Variants in CIMIP1 observed in about 807,000 individuals in gnomAD.
CIMIP1 encodes low in lung cancer 1.
the CIMIP1 span, among the ~76,000 whole-genome samples, chr20:58,156,291 C>G: frequency 6.6e-6 from 1 of 152,054 alleles, no homozygotes; most frequent in Non-Finnish European, 1.5e-5. Context: ...GGGAAGGGGC[C>G]CTTTGAGCTG....
the CIMIP1 span, among the ~76,000 whole-genome samples, chr20:58,153,063 A>G: frequency 6.6e-6 from 1 of 152,212 alleles, no homozygotes. Flanking sequence ...TATAAACAAT[A>G]TTAGCATGGA....
the CIMIP1 span, among the ~76,000 whole-genome samples, chr20:58,158,216 G>T: frequency 6.6e-6 from 1 of 152,202 alleles, no homozygotes; most frequent in Admixed American, 6.5e-5. Flanking sequence ...AGAGACTCCT[G>T]TCTAGGAGCA....
At chr20:58,154,339 A>C in the CIMIP1 span, among the ~76,000 whole-genome samples, 1 of 152,240 alleles carries the variant, frequency 6.6e-6, no homozygotes. Flanking sequence ...CCCATCACTC[A>C]AGAGAGTCCA....
chr20:58,157,125 A>G, the CIMIP1 span, among the ~76,000 whole-genome samples: 2 of 152,214 alleles, frequency 1.3e-5, no homozygotes, highest in African/African-American at 4.8e-5. Context: ...ACCCATGATT[A>G]ACATTTTGGG....
chr20:58,160,797 G>A, the CIMIP1 span: 2 of 1,613,220 alleles, frequency 1.2e-6, no homozygotes, highest in African/African-American at 1.3e-5. Context: ...CGAGAGCTGT[G>A]CTGGCCCAAG....
chr20:58,160,856 A>T, the CIMIP1 span: 1 of 1,589,058 alleles, frequency 6.3e-7, no homozygotes, highest in Non-Finnish European at 8.6e-7. Context: ...GGTGCTGCAT[A>T]TCGGTCACCA....
the CIMIP1 span, among the ~76,000 whole-genome samples, chr20:58,151,621 G>T: frequency 6.6e-6 from 1 of 151,958 alleles, no homozygotes; most frequent in African/African-American, 2.4e-5. Context: ...CACCATCTTG[G>T]CCAGGCAGGT....
chr20:58,153,596 T>TG, the CIMIP1 span: 2 of 1,614,076 alleles, frequency 1.2e-6, no homozygotes, highest in Non-Finnish European at 1.7e-6. Context: ...GCCCCAGAAC[T>TG]GGGGGTTTTT....
the CIMIP1 span, chr20:58,161,017 G>T: frequency 1.2e-5 from 6 of 484,062 alleles, no homozygotes; most frequent in East Asian, 1.7e-4. Flanking sequence ...GAATGTTCAC[G>T]TCCACACCCA....
At chr20:58,154,612 C>G in the CIMIP1 span, among the ~76,000 whole-genome samples, 1 of 152,158 alleles carries the variant, frequency 6.6e-6, no homozygotes, top group African/African-American at 2.4e-5. Flanking sequence ...GAGGGTTCCA[C>G]AGTTTGAAAT....
At chr20:58,155,371 C>T in the CIMIP1 span, 1 of 963,260 alleles carries the variant, frequency 1.0e-6, no homozygotes, top group Non-Finnish European at 1.6e-6. Flanking sequence ...GACACTCCCC[C>T]AGCTTCACCT....
the CIMIP1 span, among the ~76,000 whole-genome samples, chr20:58,153,360 C>T: frequency 6.6e-5 from 10 of 152,194 alleles, no homozygotes; most frequent in Non-Finnish European, 1.3e-4. Flanking sequence ...CTTTCGTTAG[C>T]CACGTGTCTC....
At chr20:58,151,165 G>A in the CIMIP1 span, 1 of 819,388 alleles carries the variant, frequency 1.2e-6, no homozygotes, top group Non-Finnish European at 2.0e-6. Flanking sequence ...GGCGTGCGCT[G>A]AGGATGGTCA....
the CIMIP1 span, chr20:58,160,699 C>A: frequency 6.2e-7 from 1 of 1,614,116 alleles, no homozygotes; most frequent in South Asian, 1.1e-5. Flanking sequence ...CCACCCAGGG[C>A]TTCATCGGCT....
chr20:58,160,868 G>A, the CIMIP1 span: 4 of 1,574,100 alleles, frequency 2.5e-6, no homozygotes, highest in African/African-American at 1.3e-5. Flanking sequence ...CGGTCACCAG[G>A]CACCCAGGGC....
the CIMIP1 span, chr20:58,153,551 C>A: frequency 1.2e-6 from 2 of 1,613,992 alleles, no homozygotes; most frequent in African/African-American, 2.7e-5. Flanking sequence ...CAGGAAATAC[C>A]GTCTGAAGGC....
At chr20:58,159,405 A>C in the CIMIP1 span, among the ~76,000 whole-genome samples, 3 of 151,744 alleles carry the variant, frequency 2.0e-5, no homozygotes, top group Non-Finnish European at 4.4e-5. Context: ...AATCCCAGCC[A>C]CTCAGGAGCT....
chr20:58,155,113 G>T, the CIMIP1 span, among the ~76,000 whole-genome samples: 1 of 152,124 alleles, frequency 6.6e-6, no homozygotes, highest in Non-Finnish European at 1.5e-5. Flanking sequence ...ACCCTTTTTG[G>T]CATTTTAAAA....
chr20:58,151,015 G>C, the CIMIP1 span: 14 of 1,608,162 alleles, frequency 8.7e-6, no homozygotes, highest in African/African-American at 1.3e-5. Flanking sequence ...TGAACCTTGT[G>C]GGTCAGGATG....
Sources: allele counts gnomAD v4.1 joint callset (sites outside exome capture counted in the v4.1 genomes callset), GRCh38; gene constraint gnomAD v4.1.1; transcripts MANE v1.5; gene names NCBI Gene and HGNC (gene_info 2026-07-23, HGNC 2026-07-21).